Variants in EPHX4 observed in about 807,000 individuals in gnomAD.
The protein encoded by EPHX4 is epoxide hydrolase 4, also known as abhydrolase domain containing 7.
EPHX4 carries 31 observed loss-of-function variants against 44.9 expected under a neutral mutation model. The observed-to-expected ratio is 0.69, with a 90% CI of 0.52 to 0.93. The LOEUF (loss-of-function observed/expected upper bound fraction) is 0.93, where lower values mean the gene tolerates loss of function less well. Ranked by LOEUF, EPHX4 falls within the 40% of genes least tolerant of loss-of-function variation. EPHX4 has a pLI of 0.00. For missense variants in EPHX4, 373 were observed against 438.1 expected (o/e 0.85, Z 1.33); for synonymous variants, 151 against 159.7 (o/e 0.95, Z 0.41).
At chr1:92,043,247 T>C in intron 3 of EPHX4, 1 of 238,854 alleles carries the variant, frequency 4.2e-6, no homozygotes, top group Non-Finnish European at 8.1e-6. Flanking sequence ...TGCTGTGGCT[T>C]GCGCCTATAA....
intron 1 of EPHX4, among the ~76,000 whole-genome samples, 175 bp downstream of exon 1, chr1:92,030,485 T>TGTGTGTGTGTGTGAGAGA (rs1326928763): frequency 7.2e-6 from 1 of 138,652 alleles, no homozygotes; most frequent in African/African-American, 2.8e-5. Flanking sequence ...TGTGTGTGTG[T>TGTGTGTGTGTGTGAGAGA]GAGAGAGAGA....
chr1:92,036,921 A>G (rs1329664215), intron 2 of EPHX4, among the ~76,000 whole-genome samples: 1 of 152,090 alleles, frequency 6.6e-6, no homozygotes, highest in Non-Finnish European at 1.5e-5. Flanking sequence ...ACCCATTATG[A>G]GGTCTAGTCA....
intron 5 of EPHX4, 35 bp from the exon 6 acceptor site, chr1:92,052,475 A>G (rs745579555): frequency 5.8e-5 from 90 of 1,549,150 alleles, no homozygotes; most frequent in Middle Eastern, 5.0e-4. Context: ...TAGATAACAA[A>G]AAAGTTTTAA....
intron 1 of EPHX4, among the ~76,000 whole-genome samples, 178 bp downstream of exon 1, chr1:92,030,488 G>GTGTGTGTGTGTGTGTGTGTGTGTGTGTGT: frequency 7.6e-6 from 1 of 130,988 alleles, no homozygotes; most frequent in Non-Finnish European, 1.7e-5. Flanking sequence ...GTGTGTGTGA[G>GTGTGTGTGTGTGTGTGTGTGTGTGTGTGT]AGAGAGAGAG....
chr1:92,051,128 C>G (rs547894546), intron 5 of EPHX4, among the ~76,000 whole-genome samples: 2 of 152,002 alleles, frequency 1.3e-5, no homozygotes, highest in East Asian at 3.9e-4. Context: ...CCACCACTCC[C>G]GACATAAATG....
chr1:92,051,247 T>TA (rs561021774), intron 5 of EPHX4, among the ~76,000 whole-genome samples: 196 of 143,432 alleles, frequency 1.4e-3, no homozygotes, highest in East Asian at 2.0e-3. Flanking sequence ...GATAAGAACT[T>TA]AAAAAAAAAA....
At chr1:92,045,316 C>G (rs1688568638) in intron 3 of EPHX4, among the ~76,000 whole-genome samples, 1 of 151,298 alleles carries the variant, frequency 6.6e-6, no homozygotes, top group Middle Eastern at 3.4e-3. Context: ...AATATGGATT[C>G]CTGGGAGAGA....
Position 92,038,289 on chromosome 1 carries a change from C to T in EPHX4, c.318-4534C>T, listed in dbSNP as rs754147093. On this transcript the variant is annotated intron_variant, in intron 2 of 6. Transcript: ENST00000370383. ...TCTAATTAAATCCTAAATGAAGACA[C>T]GGACCCTTAAGGTATTGAAACAACG... 1.9e-4 allele frequency among the ~76,000 whole-genome samples: 29 copies of T among 152,100 alleles called. 1 individual carries two copies. The highest frequency in any genetic ancestry group is 1.2e-3 in the Admixed American group (19 of 15,270).
At chr1:92,056,315 C>A (rs1416913419) in intron 6 of EPHX4, among the ~76,000 whole-genome samples, 1 of 152,134 alleles carries the variant, frequency 6.6e-6, no homozygotes, top group African/African-American at 2.4e-5. Flanking sequence ...GGACTATGTC[C>A]TCATCCAAAG....
intron 2 of EPHX4, among the ~76,000 whole-genome samples, chr1:92,036,226 T>C (rs139378861): frequency 1.4e-4 from 22 of 152,328 alleles, no homozygotes; most frequent in African/African-American, 5.1e-4. Context: ...ATTTCACCTC[T>C]TTACGTGCAG....
At position 92,057,434 on chromosome 1, in the gene EPHX4, G is replaced by A. The variant is rs1291711479; in HGVS notation, c.857+4776G>A. Among the ~76,000 whole-genome samples, 3 of 152,108 alleles carry A rather than the reference G, an allele frequency of 2.0e-5. No individual in the cohort carries two copies. The East Asian group carries it at 5.8e-4, about 29-fold the overall frequency. The stretch of plus-strand genomic sequence containing the variant: ...CAAATTTTAGAACTTTGACAAAACA[G>A]GCAATTTTTAAGAAAAACATAACTT... On this transcript the variant is annotated intron_variant, in intron 6 of 6. Transcript: ENST00000370383.
chr1:92,052,569 A>C lies in EPHX4; in HGVS notation c.768A>C (p.Leu256Phe). ...GCATTGGAAGAAAAGGATGCCAATT[A>C]ACAACAGAGGATCTTGAAGCTTATA... Reference protein sequence around the residue: ...STGIGRKGCQLTTEDLEAYIY... With the variant: ...STGIGRKGCQFTTEDLEAYIY... The change falls in exon 6 of 7, where the codon TTA (leucine) becomes TTC (phenylalanine). Residue 256 changes from leucine (L) to phenylalanine (F), a missense_variant. Physicochemically the swap from Leu to Phe is conservative, Grantham distance 22 (BLOSUM62 0). Transcript: ENST00000370383. 6.2e-7 allele frequency: 1 copy of C among 1,612,964 alleles called. No homozygotes were observed. The highest frequency in any genetic ancestry group is 8.5e-7 in the Non-Finnish European group (1 of 1,179,520).
chr1:92,054,058 A>G (rs1647309642), intron 6 of EPHX4, among the ~76,000 whole-genome samples: 1 of 152,164 alleles, frequency 6.6e-6, no homozygotes, highest in Non-Finnish European at 1.5e-5. Flanking sequence ...ATGAGATTCC[A>G]TTTCTCTTAA....
At chr1:92,035,248 C>T (rs996648993) in intron 2 of EPHX4, among the ~76,000 whole-genome samples, 5 of 152,158 alleles carry the variant, frequency 3.3e-5, no homozygotes, top group African/African-American at 1.2e-4. Flanking sequence ...GCAATTCGAG[C>T]ATATGCATAT....
intron 4 of EPHX4, among the ~76,000 whole-genome samples, chr1:92,046,781 C>T (rs1688588695): frequency 6.6e-6 from 1 of 152,166 alleles, no homozygotes; most frequent in Non-Finnish European, 1.5e-5. Flanking sequence ...TTAAAGGTAA[C>T]AATGTGGAAT....
At chr1:92,060,038 A>G (rs540708736) in intron 6 of EPHX4, among the ~76,000 whole-genome samples, 2 of 152,160 alleles carry the variant, frequency 1.3e-5, no homozygotes, top group South Asian at 2.1e-4. Flanking sequence ...TAATTTCACA[A>G]TTGATACAGA....
chr1:92,036,621 G>A (rs1379683239), intron 2 of EPHX4, among the ~76,000 whole-genome samples: 1 of 152,200 alleles, frequency 6.6e-6, no homozygotes, highest in Non-Finnish European at 1.5e-5. Flanking sequence ...ACAGGCATGA[G>A]TCTCTTCTGT....
rs2101869464 is a variant in EPHX4, at chr1:92,042,814, T to A, written c.318-9T>A. Reference sequence around the variant, plus strand: ...TATGATATTTTAAATGCTTCCTTTTTTCCTGCAGGTATTCTTGGCGTTACC... The same window carrying A: ...TATGATATTTTAAATGCTTCCTTTTATCCTGCAGGTATTCTTGGCGTTACC... On this transcript the variant is annotated splice_polypyrimidine_tract_variant and intron_variant, in intron 2 of 6. Coordinates refer to ENST00000370383, the MANE Select transcript of EPHX4 (RefSeq NM_173567.5). 1 of 1,605,622 alleles carries A rather than the reference T, an allele frequency of 6.2e-7. No homozygotes were observed. Among genetic ancestry groups the A allele is most frequent in the East Asian group, 2.2e-5 (1 of 44,762 alleles).
chr1:92,059,137 A>C (rs751049744), intron 6 of EPHX4, among the ~76,000 whole-genome samples: 4 of 152,210 alleles, frequency 2.6e-5, no homozygotes, highest in African/African-American at 7.2e-5. Flanking sequence ...AAAATAAAGA[A>C]TAAAGATAAA....
Sources: allele counts gnomAD v4.1 joint callset (sites outside exome capture counted in the v4.1 genomes callset), GRCh38; gene constraint gnomAD v4.1.1; transcripts MANE v1.5; gene names NCBI Gene and HGNC (gene_info 2026-07-23, HGNC 2026-07-21).